Variants in ARFGAP1 observed in about 807,000 individuals in gnomAD.
ARFGAP1 encodes ARF GTPase activating protein 1.
In ARFGAP1, 26 loss-of-function variants were observed where a neutral mutation model predicts 54.0. The observed-to-expected ratio is 0.48, with a 90% confidence interval of 0.35 to 0.67. The LOEUF (loss-of-function observed/expected upper bound fraction) is 0.67. Among genes scored for constraint, ARFGAP1 ranks in the 30% least tolerant of loss-of-function variants. The probability of loss-of-function intolerance (pLI) is 0.00; values close to 1 mark genes in which losing one functional copy is unlikely to be tolerated. For missense variants in ARFGAP1, 525 were observed against 535.8 expected (o/e 0.98, Z 0.20); for synonymous variants, 248 against 211.9 (o/e 1.17, Z -1.48).
Position 63,286,351 on chromosome 20 carries a change from C to G in ARFGAP1, c.835-15C>G. ...CGACAGGGCCTGCCTAACCTCTCTT[C>G]CCGTCTCCTTCCAGGTCCAGGGAGT... On this transcript the variant is annotated splice_polypyrimidine_tract_variant and intron_variant, in intron 11 of 12. Coordinates refer to ENST00000370283, the MANE Select transcript of ARFGAP1 (RefSeq NM_018209.4). The G allele has an allele frequency of 1.2e-6, 2 of 1,613,094 alleles. No individual in the cohort carries two copies. Among genetic ancestry groups the G allele is most frequent in the East Asian group, 2.2e-5 (1 of 44,884 alleles).
At chr20:63,286,141 C>T (rs761925920) in intron 11 of ARFGAP1, 3 of 1,550,164 alleles carry the variant, frequency 1.9e-6, no homozygotes, top group Non-Finnish European at 2.6e-6. Context: ...CTCTTGAGGT[C>T]TGTGCACGAG....
chr20:63,277,131 C>G (rs1003117409), intron 4 of ARFGAP1, 74 bp from the exon 5 acceptor site: 1 of 1,334,278 alleles, frequency 7.5e-7, no homozygotes, highest in Non-Finnish European at 1.0e-6. Flanking sequence ...GTGGGGGGTG[C>G]GCTGGAGTCG....
chr20:63,276,210 C>G lies in ARFGAP1; in HGVS notation c.170+10C>G. On this transcript the variant is annotated intron_variant, in intron 3 of 12. Transcript: ENST00000370283. The surrounding 1 kb of genome is among the most constrained non-coding windows in gnomAD (Gnocchi z 5.2). ...TTGGGGTTCACCTCAGGTCAGTGTCCTGCCGCTCTGGCTCTGCGGAGAGCC... is the reference window on the plus strand; with the variant it reads ...TTGGGGTTCACCTCAGGTCAGTGTCGTGCCGCTCTGGCTCTGCGGAGAGCC... 1 of 1,613,254 alleles carries G rather than the reference C, an allele frequency of 6.2e-7. No homozygotes were observed. Among genetic ancestry groups the G allele is most frequent in the Non-Finnish European group, 8.5e-7 (1 of 1,179,678 alleles).
chr20:63,279,221 C>T (rs1216417984), intron 7 of ARFGAP1: 44 of 609,044 alleles, frequency 7.2e-5, no homozygotes, highest in Non-Finnish European at 1.1e-4. Flanking sequence ...TTTTTTAAGA[C>T]GGAGTCTTGC....
chr20:63,283,796 A>G, intron 9 of ARFGAP1: 3 of 1,605,068 alleles, frequency 1.9e-6, no homozygotes, highest in Non-Finnish European at 2.6e-6. Context: ...GCTGGTTACT[A>G]ATGCCGCCCC....
In ARFGAP1 at chr20:63,288,576, C is replaced by T. The variant is rs907099805; in HGVS notation, c.*703C>T. The T allele has an allele frequency of 2.2e-6, 1 of 447,534 alleles. No homozygotes were observed. Among genetic ancestry groups the T allele is most frequent in the Non-Finnish European group, 4.5e-6 (1 of 220,494 alleles). 27.7% of individuals were successfully genotyped at this position (447,534 alleles called of 1,614,324 possible). A position where few individuals can be genotyped will look rare whatever the true frequency, so the allele number is the denominator to read the frequency against. ...GTTCTCAGTGCTGGAACTTGACCAT[C>T]CTGGAACACCCTGGAAGAAAAAGGA... On this transcript the variant is annotated 3_prime_UTR_variant, in exon 13 of 13. Coordinates refer to ENST00000370283, the MANE Select transcript of ARFGAP1 (RefSeq NM_018209.4).
Position 63,283,692 on chromosome 20 carries a change from A to G in ARFGAP1, c.717+841A>G, listed in dbSNP as rs6010892. ...GTTTCTGAAGGTGGTGGTCAGTTCC[A>G]GGGCAGGGAGCGGCTGCTCCAGGGT... On this transcript the variant is annotated intron_variant, in intron 9 of 12. Coordinates refer to ENST00000370283, the MANE Select transcript of ARFGAP1 (RefSeq NM_018209.4). Among the ~76,000 whole-genome samples the G allele has an allele frequency of 5.5e-3, 845 of 152,256 alleles. 10 individuals carry two copies. Among genetic ancestry groups the G allele is most frequent in the African/African-American group, 0.02 (813 of 41,552 alleles).
chr20:63,279,033 G>C, intron 7 of ARFGAP1, 38 bp downstream of exon 7: 2 of 1,604,856 alleles, frequency 1.2e-6, no homozygotes, highest in Non-Finnish European at 1.7e-6. Flanking sequence ...CCCATGGGCA[G>C]ACCCCGCCCT....
rs529779053 is a variant in ARFGAP1 at position 63,284,548 on chromosome 20, AGGCACAGGCTC to A, written c.718-317_718-307del. ...GGTGGCTGCAGCCGGCGTTGGCCTC[AGGCACAGGCTC>A]CACAGGGCCTGTTCCCACCAGCCCG... On this transcript the variant is annotated intron_variant, in intron 9 of 12. Transcript: ENST00000370283. The A allele has an allele frequency of 7.2e-5, 88 of 1,220,364 alleles. No individual in the cohort carries two copies. The East Asian group carries it at 3.6e-3, about 51-fold the overall frequency. The allele number at this position is 1,220,364 out of a possible 1,614,324, so 75.6% of individuals were successfully genotyped here.
intron 9 of ARFGAP1, chr20:63,283,881 G>GT (rs1462868817): frequency 6.2e-7 from 1 of 1,613,708 alleles, no homozygotes; most frequent in South Asian, 1.1e-5. Flanking sequence ...GCCGGAGCCG[G>GT]TAAAGCCCGT....
chr20:63,286,733 T>G, intron 12 of ARFGAP1: 1 of 233,894 alleles, frequency 4.3e-6, no homozygotes, highest in Non-Finnish European at 8.5e-6. Context: ...TTTGGAACCC[T>G]GCAGGAGCTG....
intron 5 of ARFGAP1, 45 bp from the exon 6 acceptor site, chr20:63,278,072 C>T: frequency 3.2e-6 from 5 of 1,586,828 alleles, no homozygotes; most frequent in Non-Finnish European, 4.3e-6. Context: ...TTACCTCAGA[C>T]TTCACCCAGT....
chr20:63,278,797 G>T, intron 6 of ARFGAP1, 102 bp from the exon 7 acceptor site: 1 of 1,072,304 alleles, frequency 9.3e-7, no homozygotes, highest in Non-Finnish European at 1.4e-6. Context: ...ACGTTGGCAC[G>T]TCCCCCAGAG....
In ARFGAP1 at chr20:63,288,215, A is replaced by G. The variant is rs1394915680; in HGVS notation, c.*342A>G. 3.6e-6 allele frequency: 2 copies of G among 560,198 alleles called. No homozygotes were observed. The highest frequency in any genetic ancestry group is 1.8e-5 in the African/African-American group (1 of 54,208). The allele number at this position is 560,198 out of a possible 1,614,324, so 34.7% of individuals were successfully genotyped here. ...CGTTCCAGCGGCCAGTTCACTACGC[A>G]GTATCTCTGGGGCCTGGGACCAGCC... On this transcript the variant is annotated 3_prime_UTR_variant, in exon 13 of 13. Coordinates refer to ENST00000370283, the MANE Select transcript of ARFGAP1 (RefSeq NM_018209.4).
intron 7 of ARFGAP1, among the ~76,000 whole-genome samples, chr20:63,280,222 C>T (rs937066271): frequency 6.6e-6 from 1 of 152,212 alleles, no homozygotes; most frequent in Non-Finnish European, 1.5e-5. Context: ...ACGGGGGCTG[C>T]TTAAACGGGA....
intron 9 of ARFGAP1, chr20:63,284,365 G>A: frequency 2.8e-6 from 3 of 1,059,252 alleles, no homozygotes; most frequent in Non-Finnish European, 2.3e-6. Flanking sequence ...ATCCCCAGGT[G>A]GCCGTGTGGC....
At chr20:63,281,517 C>T (rs6010890) in intron 8 of ARFGAP1, among the ~76,000 whole-genome samples, 170 bp downstream of exon 8, 61 of 152,226 alleles carry the variant, frequency 4.0e-4, no homozygotes, top group African/African-American at 1.4e-3. Context: ...GTCCTGAGAC[C>T]TTGGAGGTTC....
At chr20:63,282,320 C>T (rs1470749934) in intron 8 of ARFGAP1, among the ~76,000 whole-genome samples, 1 of 152,260 alleles carries the variant, frequency 6.6e-6, no homozygotes, top group African/African-American at 2.4e-5. Context: ...GCCCAGGTAC[C>T]TTCCAGCCAG....
In ARFGAP1 at chr20:63,287,634, T is replaced by C; in HGVS notation, c.982T>C (p.Phe328Leu). 2.5e-6 allele frequency: 4 copies of C among 1,612,478 alleles called. No individual in the cohort carries two copies. The highest frequency in any genetic ancestry group is 3.4e-6 in the Non-Finnish European group (4 of 1,179,888). The change falls in exon 13 of 13, where the codon TTC (phenylalanine) becomes CTC (leucine). Residue 328 changes from phenylalanine to leucine, a missense_variant. Phe to Leu is a conservative substitution (Grantham distance 22). Transcript: ENST00000370283. ...HFQNSNIDQS[F>L]WETFGSAEPT... ...CCAAAACAGCAACATAGACCAGAGC[T>C]TCTGGGAGACCTTTGGAAGTGCTGA... is the stretch of plus-strand genomic sequence containing the variant.
Sources: allele counts gnomAD v4.1 joint callset (sites outside exome capture counted in the v4.1 genomes callset), GRCh38; gene constraint gnomAD v4.1.1; non-coding constraint Gnocchi (gnomAD v3.1); transcripts MANE v1.5; gene names NCBI Gene and HGNC (gene_info 2026-07-23, HGNC 2026-07-21).